Variants in SNX29 observed in about 807,000 individuals in gnomAD.
SNX29 encodes sorting nexin 29.
A neutral mutation model predicts 102.1 loss-of-function variants in SNX29; 78 were observed. That is an observed-to-expected ratio of 0.76 (90% CI 0.64 to 0.92). The LOEUF is 0.92. SNX29 is among the 40% of genes least tolerant of loss of function. The pLI is 0.00. For synonymous variants in SNX29, 580 were observed against 414.5 expected, an observed-to-expected ratio of 1.40 and a Z score of -4.85; for missense variants, 1,280 against 1,061.7, an observed-to-expected ratio of 1.21 and a Z score of -2.86.
chr16:12,226,264 C>G (rs1258949806), intron 14 of SNX29, among the ~76,000 whole-genome samples: 1 of 152,026 alleles, frequency 6.6e-6, no homozygotes, highest in African/African-American at 2.4e-5. Flanking sequence ...CAGCAGAGGC[C>G]CAAAAATGAA....
chr16:12,267,527 C>T (rs1162773131), intron 14 of SNX29, among the ~76,000 whole-genome samples: 1 of 152,144 alleles, frequency 6.6e-6, no homozygotes, highest in Admixed American at 6.5e-5. Context: ...CCCCTTAGCA[C>T]CTTTATTGCT....
At chr16:12,566,941 T>C (rs774193699) in intron 20 of SNX29, among the ~76,000 whole-genome samples, 9 of 152,188 alleles carry the variant, frequency 5.9e-5, no homozygotes, top group South Asian at 2.1e-4. Context: ...CTTATCAGGG[T>C]GTCAAACTTG....
chr16:12,091,799 C>T (rs1340732151), intron 11 of SNX29, among the ~76,000 whole-genome samples: 1 of 146,432 alleles, frequency 6.8e-6, no homozygotes, highest in African/African-American at 2.5e-5. Context: ...AAAAAGGGAC[C>T]CCAGAGACCT....
chr16:12,368,006 A>G (rs1427103030), intron 16 of SNX29, among the ~76,000 whole-genome samples: 4 of 152,236 alleles, frequency 2.6e-5, no homozygotes, highest in African/African-American at 4.8e-5. Flanking sequence ...TTTCCTGACC[A>G]TGGCCAAATA....
chr16:12,324,890 A>T (rs1395517930), intron 15 of SNX29, among the ~76,000 whole-genome samples: 1 of 152,140 alleles, frequency 6.6e-6, no homozygotes, highest in African/African-American at 2.4e-5. Context: ...AAAGATACCC[A>T]GGGAAATTAG....
chr16:12,327,551 G>C (rs561490510), intron 15 of SNX29, among the ~76,000 whole-genome samples: 1 of 152,186 alleles, frequency 6.6e-6, no homozygotes, highest in Non-Finnish European at 1.5e-5. Context: ...CAGTCGTGTT[G>C]GGTTAGGGCC....
Position 12,560,826 on chromosome 16 carries a change from C to T in SNX29, c.2319-7680C>T, listed in dbSNP as rs145843910. The stretch of plus-strand genomic sequence containing the variant: ...AGGATGGTAATTACAGCACCCATTT[C>T]ACATGGCCGGCTTAAGGATGTTATG... On this transcript the variant is annotated intron_variant, in intron 20 of 20. Coordinates refer to ENST00000566228, the MANE Select transcript of SNX29 (RefSeq NM_032167.5). 594 of 180,370 alleles carry T rather than the reference C, an allele frequency of 3.3e-3. 3 individuals are homozygous for T. The highest frequency in any genetic ancestry group is 0.013 in the African/African-American group (564 of 42,480). 11.2% of individuals were successfully genotyped at this position (180,370 alleles called of 1,614,324 possible). A position where few individuals can be genotyped will look rare whatever the true frequency, so the allele number is the denominator to read the frequency against.
In SNX29 at chr16:12,129,656, A is replaced by C; in HGVS notation, c.1493A>C (p.Glu498Ala). ...TCACTGCGAAACCTGCTCGACGGTG[A>C]GATGGAGCACTCAGCCGCGCTCCGG... ...NRSLRNLLDG[E>A]MEHSAALRQE... The change falls in exon 13 of 21, where the codon GAG becomes GCG. Residue 498 changes from glutamate to alanine, a missense_variant. Transcript: ENST00000566228. 1 of 1,611,248 alleles carries C rather than the reference A, an allele frequency of 6.2e-7. No homozygotes were observed. Among genetic ancestry groups the C allele is most frequent in the South Asian group, 1.1e-5 (1 of 90,720 alleles).
intron 1 of SNX29, among the ~76,000 whole-genome samples, chr16:11,983,966 T>C (rs2055495091): frequency 6.6e-6 from 1 of 152,138 alleles, no homozygotes; most frequent in African/African-American, 2.4e-5. Context: ...ATATAGTACA[T>C]AAACAGATGT....
At chr16:12,550,030 T>C (rs1431946041) in intron 20 of SNX29, among the ~76,000 whole-genome samples, 1 of 152,236 alleles carries the variant, frequency 6.6e-6, no homozygotes, top group African/African-American at 2.4e-5. Context: ...GTAACTGAGA[T>C]GGAATGCCTC....
chr16:12,516,847 A>G lies in SNX29; in HGVS notation c.2179-7855A>G, dbSNP rs113935310. Among the ~76,000 whole-genome samples, 91 of 152,268 alleles carry G rather than the reference A, an allele frequency of 6.0e-4. 1 individual carries two copies. The highest frequency in any genetic ancestry group is 2.1e-3 in the African/African-American group (88 of 41,542). The stretch of plus-strand genomic sequence containing the variant: ...TTGTCAGAAACAAACCAGGAAACAA[A>G]ATTCAGGGAAATACAGGGGGCGGGG... On this transcript the variant is annotated intron_variant, in intron 19 of 20. Coordinates refer to ENST00000566228, the MANE Select transcript of SNX29 (RefSeq NM_032167.5).
chr16:12,345,878 T>G (rs2081785198), intron 15 of SNX29, among the ~76,000 whole-genome samples: 1 of 152,036 alleles, frequency 6.6e-6, no homozygotes, highest in South Asian at 2.1e-4. Context: ...ATTGAAGAAT[T>G]TTTTTTTAAG....
At chr16:12,262,541 C>CA (rs979929531) in intron 14 of SNX29, among the ~76,000 whole-genome samples, 24 of 152,192 alleles carry the variant, frequency 1.6e-4, no homozygotes, top group African/African-American at 5.8e-4. Context: ...GCAGCGATGA[C>CA]AAAGAACGGG....
chr16:12,546,090 TTC>T (rs2077588970), intron 20 of SNX29, among the ~76,000 whole-genome samples: 1 of 152,168 alleles, frequency 6.6e-6, no homozygotes, highest in Non-Finnish European at 1.5e-5. Context: ...AGTCTCTCAC[TTC>T]ACTGTGTGAC....
At chr16:12,448,869 T>G (rs2086179629) in intron 18 of SNX29, among the ~76,000 whole-genome samples, 1 of 152,176 alleles carries the variant, frequency 6.6e-6, no homozygotes, top group South Asian at 2.1e-4. Flanking sequence ...TTTCTTTGCC[T>G]TTTGGACGGT....
In SNX29 at chr16:12,333,325, T is replaced by C. The variant is rs535719733; in HGVS notation, c.1783-22838T>C. ...TTTCACCATATTGGTCAGGCTCGTC[T>C]TGAACTCCTGACCTCGTGATCTGCC... is the stretch of plus-strand genomic sequence containing the variant. On this transcript the variant is annotated intron_variant, in intron 15 of 20. Coordinates refer to ENST00000566228, the MANE Select transcript of SNX29 (RefSeq NM_032167.5). Among the ~76,000 whole-genome samples, 284 of 152,054 alleles carry C rather than the reference T, an allele frequency of 1.9e-3. 2 individuals are homozygous for C. The highest frequency in any genetic ancestry group is 6.5e-3 in the African/African-American group (269 of 41,474).
intron 15 of SNX29, among the ~76,000 whole-genome samples, chr16:12,280,466 C>A (rs1567392205): frequency 6.6e-6 from 1 of 152,182 alleles, no homozygotes; most frequent in Non-Finnish European, 1.5e-5. Flanking sequence ...AACGGGAGGG[C>A]TCAAGGTTGA....
intron 19 of SNX29, among the ~76,000 whole-genome samples, chr16:12,521,649 G>A (rs985768298): frequency 6.6e-6 from 1 of 152,206 alleles, no homozygotes; most frequent in Non-Finnish European, 1.5e-5. Flanking sequence ...CTATCAAGCT[G>A]CCTTGAGGGT....
intron 2 of SNX29, among the ~76,000 whole-genome samples, chr16:12,001,903 C>G (rs1451634434): frequency 1.3e-5 from 2 of 151,908 alleles, no homozygotes; most frequent in African/African-American, 4.8e-5. Context: ...TCCTGTAATC[C>G]CAGCTACTTG....
Sources: allele counts gnomAD v4.1 joint callset (sites outside exome capture counted in the v4.1 genomes callset), GRCh38; gene constraint gnomAD v4.1.1; transcripts MANE v1.5; gene names NCBI Gene and HGNC (gene_info 2026-07-23, HGNC 2026-07-21).